Variants in CCDC88A observed in about 807,000 individuals in gnomAD.
CCDC88A encodes the protein girdin.
A neutral mutation model predicts 234.3 loss-of-function variants in CCDC88A; 54 were observed. That is an observed-to-expected ratio of 0.23 (90% CI 0.19 to 0.29). The LOEUF is 0.29. CCDC88A is among the 10% of genes least tolerant of loss of function. The probability of loss-of-function intolerance (pLI) is 1.00; values close to 1 mark genes in which losing one functional copy is unlikely to be tolerated. For missense variants in CCDC88A, 1,832 were observed against 2,123.4 expected, an observed-to-expected ratio of 0.86 and a Z score of 2.70; for synonymous variants, 753 against 737.8, an observed-to-expected ratio of 1.02 and a Z score of -0.33.
At chr2:55,417,928 G>A (rs1355849443) in intron 2 of CCDC88A, 1 of 138,452 alleles carries the variant, frequency 7.2e-6, no homozygotes, top group African/African-American at 2.7e-5. Context: ...AGAGAAATAA[G>A]ACTAAGTATA....
chr2:55,308,884 C>A lies in CCDC88A; in HGVS notation c.4312G>T (p.Asp1438Tyr), dbSNP rs1190980287. 1.2e-6 allele frequency: 2 copies of A among 1,613,978 alleles called. No homozygotes were observed. Among genetic ancestry groups the A allele is most frequent in the African/African-American group, 2.7e-5 (2 of 74,912 alleles). Reference protein sequence around the residue: ...SEGFLQLPHQDSQDSSSVGSN... With the variant: ...SEGFLQLPHQYSQDSSSVGSN... ...CCTACTGAAGAACTATCTTGACTGT[C>A]TTGATGAGGGAGCTGAAGAAATCCT... Residue 1438 changes from aspartate to tyrosine, a missense_variant, in exon 25 of 33, where the codon GAC (aspartate) becomes TAC (tyrosine). Coordinates refer to ENST00000436346, the MANE Select transcript of CCDC88A (RefSeq NM_001365480.1).
At chr2:55,329,449 A>G (rs566623952) in intron 16 of CCDC88A, 13 of 152,336 alleles carry the variant, frequency 8.5e-5, no homozygotes, top group African/African-American at 2.6e-4. Context: ...TACAGAGAAC[A>G]AATCTCATTC....
Position 55,391,092 on chromosome 2 carries a change from C to T in CCDC88A, c.165-2206G>A, listed in dbSNP as rs962499322. On this transcript the variant is annotated intron_variant, in intron 2 of 32. Transcript: ENST00000436346. ...AAATACAAGAAAGCTGTAAGCTAAA[C>T]AATTCTCAGAGCTCACAATGTAAAG... Among the ~76,000 whole-genome samples, 13 of 152,304 alleles carry T rather than the reference C, an allele frequency of 8.5e-5. 1 individual carries two copies. The highest frequency in any genetic ancestry group is 3.1e-4 in the African/African-American group (13 of 41,562).
intron 28 of CCDC88A, chr2:55,300,750 A>G (rs1680802235): frequency 6.5e-6 from 1 of 153,994 alleles, no homozygotes; most frequent in African/African-American, 2.4e-5. Context: ...ACCTCAGGTG[A>G]TCCGCATGCC....
rs890932450 is a variant in CCDC88A at position 55,309,283 on chromosome 2, A to C, written c.4080-29T>G. ...TAAAATAAAAATTACCTTTTAGGAC[A>C]GGCATCATATTTTGTACAGCTATGA... On this transcript the variant is annotated intron_variant, in intron 23 of 32. Transcript: ENST00000436346. This position sits in a 1 kb window ranked among gnomAD's most constrained non-coding sequence, Gnocchi z 5.1. 9.8e-7 allele frequency: 1 copy of C among 1,020,916 alleles called. No individual in the cohort carries two copies. The highest frequency in any genetic ancestry group is 1.6e-5 in the African/African-American group (1 of 62,498). The allele number at this position is 1,020,916 out of a possible 1,614,324, so 63.2% of individuals were successfully genotyped here. A position where few individuals can be genotyped will look rare whatever the true frequency, so the allele number is the denominator to read the frequency against.
intron 3 of CCDC88A, among the ~76,000 whole-genome samples, chr2:55,383,308 G>C (rs979251593): frequency 3.9e-5 from 6 of 151,916 alleles, no homozygotes; most frequent in South Asian, 2.1e-4. Flanking sequence ...TCCCCTTTGT[G>C]AGTCAGAATA....
intron 17 of CCDC88A, 83 bp from the exon 18 acceptor site, chr2:55,322,775 G>C: frequency 1.6e-6 from 1 of 644,680 alleles, no homozygotes; most frequent in East Asian, 3.0e-5. Flanking sequence ...ACTCTGGGCT[G>C]ATCTGGTGAA....
intron 25 of CCDC88A, among the ~76,000 whole-genome samples, chr2:55,306,862 C>G (rs1006198978): frequency 6.6e-6 from 1 of 152,192 alleles, no homozygotes; most frequent in Non-Finnish European, 1.5e-5. Context: ...AGGCATGAGC[C>G]ACCGCGCCTG....
At chr2:55,414,840 C>T (rs112434448) in intron 2 of CCDC88A, among the ~76,000 whole-genome samples, 79 of 151,748 alleles carry the variant, frequency 5.2e-4, no homozygotes, top group African/African-American at 1.8e-3. Flanking sequence ...CTGAGGCAGG[C>T]GGATCACGAG....
chr2:55,406,395 G>C (rs1484154009), intron 2 of CCDC88A, among the ~76,000 whole-genome samples: 1 of 152,120 alleles, frequency 6.6e-6, no homozygotes. Flanking sequence ...TGGGGGTTTT[G>C]TCTTTCCATT....
intron 3 of CCDC88A, among the ~76,000 whole-genome samples, chr2:55,382,175 C>T (rs897448583): frequency 6.6e-6 from 1 of 152,138 alleles, no homozygotes; most frequent in Non-Finnish European, 1.5e-5. Flanking sequence ...TTTATTAACA[C>T]TCCAAATGTT....
At chr2:55,416,896 G>C (rs1053677424) in intron 2 of CCDC88A, 2 of 151,674 alleles carry the variant, frequency 1.3e-5, no homozygotes, top group South Asian at 4.2e-4. Context: ...TTCAAACAAA[G>C]CAAAAGTATA....
intron 2 of CCDC88A, among the ~76,000 whole-genome samples, chr2:55,392,340 T>A (rs777694912): frequency 6.6e-6 from 1 of 152,216 alleles, no homozygotes; most frequent in Non-Finnish European, 1.5e-5. Flanking sequence ...TAGGATTAGT[T>A]TGTCATATTC....
intron 25 of CCDC88A, among the ~76,000 whole-genome samples, chr2:55,304,139 TC>T (rs1558634818): frequency 6.7e-6 from 1 of 149,800 alleles, no homozygotes; most frequent in Non-Finnish European, 1.5e-5. Context: ...CGAGAACCCA[TC>T]CCTACAAAAA....
Position 55,312,577 on chromosome 2 carries a change from C to A in CCDC88A, c.3936G>T (p.Leu1312Phe). The A allele has an allele frequency of 6.2e-7, 1 of 1,605,156 alleles. No homozygotes were observed. The stretch of plus-strand genomic sequence containing the variant: ...CTAAATTTCCTTTAAGTTGGCTTAG[C>A]AACTGTTTAAACACAAACATTTTTT... ...TSTKLNNQCE[L>F]LSQLKGNLEE... The change falls in exon 23 of 33, where the codon TTG becomes TTT. Residue 1312 changes from leucine to phenylalanine, a missense_variant and splice_region_variant. Around this residue, in one of 6 missense-constraint regions of CCDC88A, gnomAD observed 1,282 missense variants for 1,543.6 expected, o/e 0.83. Transcript: ENST00000436346.
rs924305724 is a variant in CCDC88A at position 55,419,209 on chromosome 2, G to T, written c.-130C>A. 3.1e-6 allele frequency: 2 copies of T among 643,292 alleles called. No individual in the cohort carries two copies. Among genetic ancestry groups the T allele is most frequent in the Non-Finnish European group, 5.5e-6 (2 of 361,574 alleles). The allele number at this position is 643,292 out of a possible 1,614,324, so 39.8% of individuals were successfully genotyped here. Reference sequence around the variant, plus strand: ...CAAGGGAGAAAAATCCCATCGTGGAGGAGGGGGGCACTCTCCCTCCTCAAA... The same window carrying T: ...CAAGGGAGAAAAATCCCATCGTGGATGAGGGGGGCACTCTCCCTCCTCAAA... On this transcript the variant is annotated 5_prime_UTR_variant, in exon 1 of 33. Transcript: ENST00000436346.
chr2:55,340,494 T>TA (rs1668339638), intron 12 of CCDC88A, among the ~76,000 whole-genome samples: 1 of 152,340 alleles, frequency 6.6e-6, no homozygotes, highest in South Asian at 2.1e-4. Context: ...ATCATGTTGT[T>TA]AATCTTTTAC....
intron 29 of CCDC88A, among the ~76,000 whole-genome samples, chr2:55,298,403 G>A (rs1680458864): frequency 6.6e-6 from 1 of 151,606 alleles, no homozygotes; most frequent in African/African-American, 2.4e-5. Context: ...AGTGGGAAAG[G>A]AACAAAGAAA....
chr2:55,415,585 G>C (rs1261372678), intron 2 of CCDC88A, among the ~76,000 whole-genome samples: 2 of 152,196 alleles, frequency 1.3e-5, no homozygotes, highest in African/African-American at 2.4e-5. Context: ...TGAGGGGACA[G>C]AACTGAGTCT....
Sources: allele counts gnomAD v4.1 joint callset (sites outside exome capture counted in the v4.1 genomes callset), GRCh38; gene constraint gnomAD v4.1.1; regional missense constraint gnomAD v4.1.1; non-coding constraint Gnocchi (gnomAD v3.1); transcripts MANE v1.5; gene names NCBI Gene and HGNC (gene_info 2026-07-23, HGNC 2026-07-21).